Variants in OSBP2 observed in about 807,000 individuals in gnomAD.
OSBP2 encodes the protein oxysterol-binding protein 2.
OSBP2 carries 66 observed loss-of-function variants against 96.0 expected under a neutral mutation model. The ratio of observed to expected loss-of-function variants is 0.69; its 90% confidence interval spans 0.56 to 0.84. The LOEUF (loss-of-function observed/expected upper bound fraction) is 0.84, where lower values mean the gene tolerates loss of function less well. OSBP2 is among the 40% of genes least tolerant of loss of function. The pLI is 0.00. For missense variants in OSBP2, 1,038 were observed against 1,222.7 expected, an observed-to-expected ratio of 0.85 and a Z score of 2.25; for synonymous variants, 525 against 520.9, an observed-to-expected ratio of 1.01 and a Z score of -0.11.
intron 2 of OSBP2, among the ~76,000 whole-genome samples, chr22:30,794,454 A>G (rs1394327605): frequency 2.6e-5 from 4 of 151,596 alleles, no homozygotes; most frequent in Non-Finnish European, 5.9e-5. Flanking sequence ...TAGTAGAGAC[A>G]GGGTTTCACC....
intron 2 of OSBP2, among the ~76,000 whole-genome samples, chr22:30,866,857 GT>G (rs1469612647): frequency 6.6e-6 from 1 of 152,208 alleles, no homozygotes; most frequent in African/African-American, 2.4e-5. Flanking sequence ...TTCTCTCTCG[GT>G]TCTGAACTGA....
At chr22:30,723,541 G>A (rs2089589524) in intron 1 of OSBP2, among the ~76,000 whole-genome samples, 2 of 151,808 alleles carry the variant, frequency 1.3e-5, no homozygotes, top group African/African-American at 4.8e-5. Context: ...AGCCTCCAAA[G>A]CAGCTAGGAT....
chr22:30,706,411 G>A (rs929444706), intron 1 of OSBP2, among the ~76,000 whole-genome samples: 3 of 151,960 alleles, frequency 2.0e-5, no homozygotes, highest in Admixed American at 6.6e-5. Context: ...CTTGTCACAC[G>A]CACAGCCACA....
At chr22:30,741,822 AT>A (rs1481350375) in intron 2 of OSBP2, among the ~76,000 whole-genome samples, 2 of 149,942 alleles carry the variant, frequency 1.3e-5, no homozygotes, top group East Asian at 3.9e-4. Flanking sequence ...TACTTTATAA[AT>A]TTATTTTATT....
chr22:30,771,851 G>A (rs1228330387), intron 2 of OSBP2, among the ~76,000 whole-genome samples: 1 of 152,222 alleles, frequency 6.6e-6, no homozygotes, highest in Non-Finnish European at 1.5e-5. Flanking sequence ...GGACCTGGCT[G>A]TTTCATGATC....
intron 3 of OSBP2, among the ~76,000 whole-genome samples, chr22:30,874,201 C>T (rs957395551): frequency 6.6e-6 from 1 of 152,154 alleles, no homozygotes; most frequent in Non-Finnish European, 1.5e-5. Context: ...CGCACCACTG[C>T]ATTCCAAACT....
At chr22:30,868,295 G>A (rs1270675014) in intron 2 of OSBP2, among the ~76,000 whole-genome samples, 1 of 152,242 alleles carries the variant, frequency 6.6e-6, no homozygotes, top group Admixed American at 6.5e-5. Flanking sequence ...TGGCCTCTCA[G>A]AACCTGCATT....
At chr22:30,905,697 G>C in intron 12 of OSBP2, 140 bp from the exon 13 acceptor site, 1 of 1,318,040 alleles carries the variant, frequency 7.6e-7, no homozygotes, top group Non-Finnish European at 1.0e-6. Context: ...GTGGGCCCAA[G>C]GCCAGAGGGA....
At position 30,821,583 on chromosome 22, in the gene OSBP2, G is replaced by C. The variant is rs12169136; in HGVS notation, c.854-48846G>C. The stretch of plus-strand genomic sequence containing the variant: ...TACAAATGGCGGTGGATGGGGGATG[G>C]GGGTGCGGGGATAGGGAAGCTCAGA... On this transcript the variant is annotated intron_variant, in intron 2 of 13. Coordinates refer to ENST00000332585, the MANE Select transcript of OSBP2 (RefSeq NM_030758.4). 9.6e-3 allele frequency among the ~76,000 whole-genome samples: 1,467 copies of C among 152,220 alleles called. 18 individuals carry two copies. Among genetic ancestry groups the C allele is most frequent in the African/African-American group, 0.03 (1,265 of 41,508 alleles).
At chr22:30,813,090 A>G (rs2091030950) in intron 2 of OSBP2, among the ~76,000 whole-genome samples, 1 of 145,388 alleles carries the variant, frequency 6.9e-6, no homozygotes, top group East Asian at 2.0e-4. Flanking sequence ...CTAAATGTTT[A>G]TATTGTCATG....
rs116641930 is a variant in OSBP2 at position 30,722,099 on chromosome 22, G to A, written c.645-19062G>A. ...ATGCTTGAAATAGATCCAGCCCTGT[G>A]CCCTAGAGACCCTGCCAGCTCCCAG... On this transcript the variant is annotated intron_variant, in intron 1 of 13. Coordinates refer to ENST00000332585, the MANE Select transcript of OSBP2 (RefSeq NM_030758.4). Among the ~76,000 whole-genome samples the A allele has an allele frequency of 8.3e-3, 1,264 of 152,236 alleles. 22 individuals are homozygous for A. Among genetic ancestry groups the A allele is most frequent in the African/African-American group, 0.027 (1,119 of 41,534 alleles).
At chr22:30,873,535 C>A (rs952177447) in intron 3 of OSBP2, among the ~76,000 whole-genome samples, 1 of 152,260 alleles carries the variant, frequency 6.6e-6, no homozygotes, top group Middle Eastern at 3.4e-3. Flanking sequence ...CAATCTCTTC[C>A]GATCTCACAG....
intron 8 of OSBP2, among the ~76,000 whole-genome samples, chr22:30,891,884 T>A (rs2039956017): frequency 4.6e-5 from 7 of 152,114 alleles, no homozygotes. Context: ...CTGGTTCTCA[T>A]GGGGCTGGGA....
intron 2 of OSBP2, among the ~76,000 whole-genome samples, chr22:30,791,546 C>T (rs113332514): frequency 6.0e-5 from 9 of 150,430 alleles, no homozygotes; most frequent in African/African-American, 2.2e-4. Flanking sequence ...AGGCTGGTCT[C>T]AAACTCCTGA....
At chr22:30,893,050 C>G in intron 8 of OSBP2, 72 bp from the exon 9 acceptor site, 2 of 1,584,102 alleles carry the variant, frequency 1.3e-6, no homozygotes, top group Non-Finnish European at 8.6e-7. Flanking sequence ...CAAGCTGTCC[C>G]TCCCTGGCTG....
At chr22:30,858,260 C>T (rs1026089216) in intron 2 of OSBP2, among the ~76,000 whole-genome samples, 1 of 151,008 alleles carries the variant, frequency 6.6e-6, no homozygotes, top group African/African-American at 2.5e-5. Context: ...CATTCTCCTG[C>T]CTCAGCCTCC....
chr22:30,882,436 C>T (rs1369141085), intron 3 of OSBP2, among the ~76,000 whole-genome samples: 4 of 152,204 alleles, frequency 2.6e-5, no homozygotes, highest in East Asian at 1.9e-4. Context: ...CCTACACACA[C>T]CTCCTTGTGG....
At chr22:30,764,769 G>A (rs1229338751) in intron 2 of OSBP2, among the ~76,000 whole-genome samples, 1 of 152,160 alleles carries the variant, frequency 6.6e-6, no homozygotes, top group Non-Finnish European at 1.5e-5. Context: ...TCAAGCTATT[G>A]ACCCTCAGAC....
intron 2 of OSBP2, among the ~76,000 whole-genome samples, chr22:30,774,434 C>G (rs770239093): frequency 3.9e-5 from 6 of 152,186 alleles, no homozygotes; most frequent in Non-Finnish European, 5.9e-5. Context: ...AGTGCCCAGG[C>G]CTCAAGCTAG....
Sources: gnomAD v4.1 joint callset for allele counts (sites outside exome capture counted in the v4.1 genomes callset) on GRCh38, gnomAD v4.1.1 for gene constraint, MANE v1.5 for transcripts, NCBI Gene and HGNC (gene_info 2026-07-23, HGNC 2026-07-21) for gene names.